Variants in DNAH7 observed in about 807,000 individuals in gnomAD.
The protein encoded by DNAH7 is axonemal beta dynein heavy chain 7.
Under a neutral mutation model 444.6 loss-of-function variants are expected in DNAH7, and 397 were observed. The observed-to-expected ratio is 0.89, with a 90% CI of 0.82 to 0.97. The LOEUF (loss-of-function observed/expected upper bound fraction) is 0.97, where lower values mean the gene tolerates loss of function less well. Ranked by LOEUF, DNAH7 falls within the 50% of genes least tolerant of loss-of-function variation. The pLI is 0.00. For synonymous variants in DNAH7, 1,636 were observed against 1,624.4 expected (o/e 1.01, Z -0.17); for missense variants, 4,902 against 4,800.8 (o/e 1.02, Z -0.62).
intron 32 of DNAH7, 135 bp from the exon 33 acceptor site, chr2:195,888,569 T>G: frequency 9.6e-7 from 1 of 1,041,960 alleles, no homozygotes; most frequent in Non-Finnish European, 1.3e-6. Flanking sequence ...TTTCATGATG[T>G]CGATTTTTGT....
At chr2:195,995,343 G>T in intron 12 of DNAH7, 3 of 518,452 alleles carry the variant, frequency 5.8e-6, no homozygotes, top group South Asian at 4.3e-5. Flanking sequence ...CCCATGGAGA[G>T]ACTGGCTCAG....
At chr2:196,025,407 C>T (rs1695621480) in intron 7 of DNAH7, among the ~76,000 whole-genome samples, 1 of 152,170 alleles carries the variant, frequency 6.6e-6, no homozygotes, top group Non-Finnish European at 1.5e-5. Context: ...CAGAGACTCT[C>T]CTTTACCTTT....
At chr2:195,857,339 A>G in intron 44 of DNAH7, 38 bp downstream of exon 44, 1 of 1,479,780 alleles carries the variant, frequency 6.8e-7, no homozygotes, top group Non-Finnish European at 9.1e-7. Context: ...AAGTGAAGAC[A>G]GACCATACCA....
intron 42 of DNAH7, 113 bp from the exon 43 acceptor site, chr2:195,858,917 G>T: frequency 1.2e-6 from 1 of 804,350 alleles, no homozygotes; most frequent in Non-Finnish European, 1.9e-6. Context: ...ACTACGGAGT[G>T]GTCTAAAAGA....
chr2:196,011,059 T>C (rs1317902728), intron 10 of DNAH7, among the ~76,000 whole-genome samples: 1 of 152,040 alleles, frequency 6.6e-6, no homozygotes, highest in Non-Finnish European at 1.5e-5. Flanking sequence ...AAAAATACAG[T>C]TGATAGAAGG....
At chr2:195,917,088 T>G (rs1247107089) in intron 24 of DNAH7, among the ~76,000 whole-genome samples, 2 of 110,490 alleles carry the variant, frequency 1.8e-5, no homozygotes, top group African/African-American at 3.8e-5. Context: ...GGCAACAGAG[T>G]GAGACTCCAC....
intron 17 of DNAH7, among the ~76,000 whole-genome samples, chr2:195,963,237 A>G (rs760479150): frequency 2.6e-5 from 4 of 152,212 alleles, no homozygotes; most frequent in Non-Finnish European, 5.9e-5. Flanking sequence ...TCAACAGTGT[A>G]AGAAAGTTTC....
intron 46 of DNAH7, among the ~76,000 whole-genome samples, chr2:195,852,151 G>A (rs887978361): frequency 6.6e-6 from 1 of 152,084 alleles, no homozygotes; most frequent in South Asian, 2.1e-4. Context: ...CCAGCTACTT[G>A]GGAGGCTGAG....
chr2:195,782,048 C>T (rs903182418), intron 58 of DNAH7, among the ~76,000 whole-genome samples: 4 of 150,420 alleles, frequency 2.7e-5, no homozygotes, highest in East Asian at 2.0e-4. Flanking sequence ...AGAATGACAA[C>T]GCAATTGCCC....
rs962837989 is a variant in DNAH7, at chr2:195,846,787, A to T, written c.8782-1622T>A. Among the ~76,000 whole-genome samples the T allele has an allele frequency of 2.0e-5, 3 of 152,120 alleles. No homozygotes were observed. In the East Asian group the frequency reaches 5.8e-4, roughly 29 times the overall value. Reference sequence around the variant, plus strand: ...CTAGACTGGCTTAGCCTTTCAGCCTACATCTTTCTCCCATGCTGGATGCTT... The same window carrying T: ...CTAGACTGGCTTAGCCTTTCAGCCTTCATCTTTCTCCCATGCTGGATGCTT... On this transcript the variant is annotated intron_variant, in intron 46 of 64. Coordinates refer to ENST00000312428, the MANE Select transcript of DNAH7 (RefSeq NM_018897.3).
intron 22 of DNAH7, among the ~76,000 whole-genome samples, chr2:195,926,122 T>C (rs1247752526): frequency 6.6e-6 from 1 of 152,286 alleles, no homozygotes; most frequent in African/African-American, 2.4e-5. Context: ...TTCTTAGTCC[T>C]ATTATCACTC....
intron 38 of DNAH7, among the ~76,000 whole-genome samples, chr2:195,875,095 C>T (rs1700973035): frequency 3.3e-5 from 5 of 152,180 alleles, no homozygotes; most frequent in Admixed American, 2.0e-4. Flanking sequence ...ATTTCCTCTA[C>T]ACAGAGATTC....
intron 36 of DNAH7, among the ~76,000 whole-genome samples, chr2:195,878,758 T>A (rs912507657): frequency 6.6e-6 from 1 of 152,094 alleles, no homozygotes; most frequent in Non-Finnish European, 1.5e-5. Context: ...GTAATTAATA[T>A]AAAAAACTTC....
At chr2:195,951,988 T>C (rs1690290904) in intron 19 of DNAH7, among the ~76,000 whole-genome samples, 1 of 152,174 alleles carries the variant, frequency 6.6e-6, no homozygotes, top group Non-Finnish European at 1.5e-5. Flanking sequence ...GCTAGCTGGT[T>C]ATTTGGCCCA....
chr2:195,964,594 C>A (rs1202261168), intron 17 of DNAH7, among the ~76,000 whole-genome samples: 1 of 144,292 alleles, frequency 6.9e-6, no homozygotes, highest in Non-Finnish European at 1.5e-5. Context: ...TGGCCGGGCA[C>A]GGTGGCTCAC....
At chr2:195,843,298 C>T (rs1698797349) in intron 47 of DNAH7, among the ~76,000 whole-genome samples, 1 of 152,126 alleles carries the variant, frequency 6.6e-6, no homozygotes, top group Admixed American at 6.5e-5. Context: ...TTTTAGCAGC[C>T]AGCTAATGCA....
chr2:196,000,977 A>G (rs1240046489), intron 11 of DNAH7, 94 bp from the exon 12 acceptor site: 15 of 1,000,862 alleles, frequency 1.5e-5, no homozygotes, highest in East Asian at 8.5e-5. Context: ...ATGGGAACCC[A>G]CACTTTCTCT....
chr2:195,758,919 A>G (rs1022786668), intron 61 of DNAH7, among the ~76,000 whole-genome samples: 4 of 152,230 alleles, frequency 2.6e-5, no homozygotes, highest in East Asian at 1.9e-4. Context: ...ACCACCAGCT[A>G]AAGTGCTCTG....
chr2:196,018,852 C>T (rs976870696), intron 9 of DNAH7, among the ~76,000 whole-genome samples: 1 of 151,964 alleles, frequency 6.6e-6, no homozygotes, highest in East Asian at 1.9e-4. Context: ...AGGAAAAATG[C>T]TTGAGGGGAT....
Sources: allele counts gnomAD v4.1 joint callset (sites outside exome capture counted in the v4.1 genomes callset), GRCh38; gene constraint gnomAD v4.1.1; transcripts MANE v1.5; gene names NCBI Gene and HGNC (gene_info 2026-07-23, HGNC 2026-07-21).